ZBTB20: variants seen among roughly 807,000 people sequenced by gnomAD.
The protein encoded by ZBTB20 is zinc finger and BTB domain containing 20.
A neutral mutation model predicts 56.9 loss-of-function variants in ZBTB20; 9 were observed. The observed-to-expected ratio is 0.16, with a 90% CI of 0.10 to 0.28. The LOEUF (loss-of-function observed/expected upper bound fraction) is 0.28. Among genes scored for constraint, ZBTB20 ranks in the 10% least tolerant of loss-of-function variants. The probability of loss-of-function intolerance (pLI) is 1.00; values close to 1 mark genes in which losing one functional copy is unlikely to be tolerated. For synonymous variants in ZBTB20, 417 were observed against 420.7 expected (o/e 0.99, Z 0.11); for missense variants, 655 against 1,003.0 (o/e 0.65, Z 4.69).
At chr3:114,772,138 G>A (rs1190738070) in intron 5 of ZBTB20, among the ~76,000 whole-genome samples, 2 of 152,022 alleles carry the variant, frequency 1.3e-5, no homozygotes, top group East Asian at 1.9e-4. Context: ...TCAGGAGTTC[G>A]TGACCAGCCT....
At chr3:114,520,547 A>T (rs2046527165) in intron 6 of ZBTB20, among the ~76,000 whole-genome samples, 1 of 152,142 alleles carries the variant, frequency 6.6e-6, no homozygotes, top group Non-Finnish European at 1.5e-5. Context: ...TTTAAGAGAA[A>T]ATCAGTCTAG....
At chr3:115,133,132 C>T (rs1395996108) in intron 1 of ZBTB20, among the ~76,000 whole-genome samples, 1 of 152,078 alleles carries the variant, frequency 6.6e-6, no homozygotes, top group African/African-American at 2.4e-5. Context: ...GTATTCCTTA[C>T]GTTTAAGTGA....
intron 1 of ZBTB20, among the ~76,000 whole-genome samples, chr3:115,076,896 T>C (rs1318217281): frequency 6.6e-6 from 1 of 152,192 alleles, no homozygotes; most frequent in Non-Finnish European, 1.5e-5. Flanking sequence ...CAAGCATTAG[T>C]TAGAGCCTTA....
intron 3 of ZBTB20, among the ~76,000 whole-genome samples, chr3:114,966,033 A>C (rs2077634714): frequency 6.6e-6 from 1 of 152,196 alleles, no homozygotes; most frequent in Non-Finnish European, 1.5e-5. Context: ...CCATAAACTA[A>C]TGAGTTTTAA....
chr3:114,994,093 T>C (rs569014531), intron 2 of ZBTB20, among the ~76,000 whole-genome samples: 10 of 151,912 alleles, frequency 6.6e-5, no homozygotes, highest in African/African-American at 1.7e-4. Context: ...ATAGAGGCAC[T>C]GATTAGAAAC....
chr3:114,855,137 T>C (rs925905782), intron 4 of ZBTB20, among the ~76,000 whole-genome samples: 4 of 152,234 alleles, frequency 2.6e-5, no homozygotes, highest in African/African-American at 2.4e-5. Flanking sequence ...GTAAATGTTA[T>C]AGATCTCATA....
intron 6 of ZBTB20, among the ~76,000 whole-genome samples, chr3:114,606,209 T>C (rs2057137835): frequency 6.6e-6 from 1 of 152,196 alleles, no homozygotes; most frequent in Non-Finnish European, 1.5e-5. Context: ...GGAAGCATGG[T>C]TCTTTCCCAT....
intron 5 of ZBTB20, among the ~76,000 whole-genome samples, chr3:114,765,669 A>G (rs909339363): frequency 6.6e-6 from 1 of 152,238 alleles, no homozygotes; most frequent in Non-Finnish European, 1.5e-5. Flanking sequence ...AATGATTATC[A>G]GGAAATCATC....
intron 7 of ZBTB20, among the ~76,000 whole-genome samples, chr3:114,435,650 A>G (rs976765118): frequency 3.9e-5 from 6 of 152,172 alleles, no homozygotes; most frequent in Non-Finnish European, 8.8e-5. Context: ...CATGTCACAG[A>G]AAAAAACAAA....
intron 6 of ZBTB20, among the ~76,000 whole-genome samples, chr3:114,597,595 G>A (rs948172430): frequency 6.6e-6 from 1 of 152,126 alleles, no homozygotes; most frequent in African/African-American, 2.4e-5. Flanking sequence ...ATCATGCCAA[G>A]GCACACAAAC....
chr3:114,659,038 C>T (rs1352274186), intron 6 of ZBTB20, among the ~76,000 whole-genome samples: 2 of 152,232 alleles, frequency 1.3e-5, no homozygotes, highest in Non-Finnish European at 2.9e-5. Context: ...TCCAGGTTAT[C>T]TCGTCAACCT....
At chr3:114,625,274 A>T (rs781631667) in intron 6 of ZBTB20, among the ~76,000 whole-genome samples, 6 of 152,146 alleles carry the variant, frequency 3.9e-5, no homozygotes, top group Non-Finnish European at 8.8e-5. Flanking sequence ...AAAACAGAGT[A>T]CCACAGTCAG....
chr3:115,022,525 C>T (rs566773831), intron 2 of ZBTB20, among the ~76,000 whole-genome samples: 1 of 150,994 alleles, frequency 6.6e-6, no homozygotes, highest in African/African-American at 2.4e-5. Flanking sequence ...TAACTTAGAG[C>T]CATGTTTACC....
chr3:114,627,631 T>C (rs898820945), intron 6 of ZBTB20, among the ~76,000 whole-genome samples: 3 of 152,174 alleles, frequency 2.0e-5, no homozygotes, highest in Non-Finnish European at 4.4e-5. Context: ...CATGGAGAAT[T>C]CACCAAGCAA....
intron 4 of ZBTB20, among the ~76,000 whole-genome samples, chr3:114,805,115 A>G (rs2108854841): frequency 6.6e-6 from 1 of 152,034 alleles, no homozygotes; most frequent in South Asian, 2.1e-4. Context: ...GAGAGTACCC[A>G]TATTTCCTTC....
intron 5 of ZBTB20, among the ~76,000 whole-genome samples, chr3:114,783,798 A>AAT (rs1383429773): frequency 6.6e-6 from 1 of 151,578 alleles, no homozygotes; most frequent in Non-Finnish European, 1.5e-5. Flanking sequence ...CCTCAAAAAA[A>AAT]AAAAAAAAAA....
chr3:114,405,441 C>G (rs1183103321), intron 7 of ZBTB20, among the ~76,000 whole-genome samples: 2 of 152,098 alleles, frequency 1.3e-5, no homozygotes, highest in Non-Finnish European at 2.9e-5. Context: ...GTCTTATCAT[C>G]AACAGCTTCA....
chr3:114,899,085 A>G (rs188855742), intron 4 of ZBTB20, among the ~76,000 whole-genome samples: 43 of 152,280 alleles, frequency 2.8e-4, no homozygotes, highest in Non-Finnish European at 2.2e-4. Flanking sequence ...CATTACCAGT[A>G]ACATTTGTGA....
chr3:114,411,034 A>T (rs2087898064), intron 7 of ZBTB20, among the ~76,000 whole-genome samples: 1 of 152,178 alleles, frequency 6.6e-6, no homozygotes, highest in Admixed American at 6.5e-5. Context: ...TTTGACTCAT[A>T]AAAAATGTAG....
Sources: gnomAD v4.1 joint callset for allele counts (sites outside exome capture counted in the v4.1 genomes callset) on GRCh38, gnomAD v4.1.1 for gene constraint, MANE v1.5 for transcripts, NCBI Gene and HGNC (gene_info 2026-07-23, HGNC 2026-07-21) for gene names.